Variants in PDE4D observed in about 807,000 individuals in gnomAD.
PDE4D encodes the protein phosphodiesterase 4D, also known as 3',5'-cyclic-AMP phosphodiesterase 4D.
In PDE4D, 24 loss-of-function variants were observed where a neutral mutation model predicts 87.4. The ratio of observed to expected loss-of-function variants is 0.27; its 90% confidence interval spans 0.20 to 0.39. The LOEUF (loss-of-function observed/expected upper bound fraction) is 0.39. PDE4D is among the 10% of genes least tolerant of loss of function. The probability of loss-of-function intolerance (pLI) is 1.00; values close to 1 mark genes in which losing one functional copy is unlikely to be tolerated. For synonymous variants in PDE4D, 384 were observed against 383.2 expected (o/e 1.00, Z -0.02); for missense variants, 714 against 1,041.0 (o/e 0.69, Z 4.32).
chr5:60,097,963 T>C (rs1279864958), intron 2 of PDE4D, among the ~76,000 whole-genome samples: 1 of 151,956 alleles, frequency 6.6e-6, no homozygotes, highest in Non-Finnish European at 1.5e-5. Context: ...GTGAGATTAC[T>C]TAATCTCAAA....
At chr5:59,109,082 C>T (rs1772163305) in intron 5 of PDE4D, among the ~76,000 whole-genome samples, 1 of 150,210 alleles carries the variant, frequency 6.7e-6, no homozygotes, top group African/African-American at 2.4e-5. Flanking sequence ...TCTTTTTCTA[C>T]TCTATTCCAG....
intron 5 of PDE4D, among the ~76,000 whole-genome samples, chr5:59,106,756 A>C (rs2153436257): frequency 6.6e-6 from 1 of 152,336 alleles, no homozygotes; most frequent in Middle Eastern, 3.4e-3. Context: ...ATGAAACTCC[A>C]TCTCAAAAAC....
At chr5:60,472,285 C>T (rs939515590) in intron 1 of PDE4D, among the ~76,000 whole-genome samples, 4 of 152,064 alleles carry the variant, frequency 2.6e-5, no homozygotes, top group Non-Finnish European at 4.4e-5. Context: ...AAAACTGAGG[C>T]ACAGCCAACT....
At chr5:59,625,128 T>C (rs932280503) in intron 1 of PDE4D, among the ~76,000 whole-genome samples, 1 of 152,152 alleles carries the variant, frequency 6.6e-6, no homozygotes, top group East Asian at 1.9e-4. Context: ...TCTAATCACA[T>C]GAGTCCTATA....
At chr5:60,125,346 T>C (rs1458167971) in intron 2 of PDE4D, among the ~76,000 whole-genome samples, 1 of 152,152 alleles carries the variant, frequency 6.6e-6, no homozygotes, top group Non-Finnish European at 1.5e-5. Context: ...ACTTGTGAAA[T>C]CTACCTTAGA....
At position 60,424,234 on chromosome 5, in the gene PDE4D, G is replaced by C. The variant is rs184119885; in HGVS notation, c.-90+63708C>G. ...GCCTGGCAGAGACACAACAAAAAAA[G>C]AGAATTTTAGACCATTATCCCTGAT... is the stretch of plus-strand genomic sequence containing the variant. On this transcript the variant is annotated intron_variant, in intron 1 of 16. Transcript: ENST00000502484. Among the ~76,000 whole-genome samples, 1,291 of 152,218 alleles carry C rather than the reference G, an allele frequency of 8.5e-3. 13 individuals carry two copies. The highest frequency in any genetic ancestry group is 0.029 in the African/African-American group (1,213 of 41,516).
chr5:60,099,627 T>C (rs893443950), intron 2 of PDE4D, among the ~76,000 whole-genome samples: 4 of 151,838 alleles, frequency 2.6e-5, no homozygotes, highest in African/African-American at 9.7e-5. Context: ...CAAATGGTTA[T>C]TAAACTTATG....
intron 1 of PDE4D, among the ~76,000 whole-genome samples, chr5:59,412,081 A>C (rs1482885338): frequency 2.6e-5 from 4 of 152,238 alleles, no homozygotes; most frequent in Non-Finnish European, 5.9e-5. Flanking sequence ...GGATAAGAAC[A>C]GGAGGCTTTT....
chr5:59,799,009 C>T (rs566121465), intron 1 of PDE4D, among the ~76,000 whole-genome samples: 2 of 152,270 alleles, frequency 1.3e-5, no homozygotes, highest in South Asian at 4.2e-4. Flanking sequence ...GGGATTGCAG[C>T]CAATTTTATT....
At chr5:59,827,879 A>T (rs998404310) in intron 1 of PDE4D, among the ~76,000 whole-genome samples, 7 of 152,164 alleles carry the variant, frequency 4.6e-5, no homozygotes, top group Admixed American at 2.0e-4. Flanking sequence ...ACATTAAAAT[A>T]AAAAATTGGC....
chr5:59,256,735 A>G (rs1022086075), intron 1 of PDE4D, among the ~76,000 whole-genome samples: 1 of 151,994 alleles, frequency 6.6e-6, no homozygotes, highest in Non-Finnish European at 1.5e-5. Context: ...ATTTAGCTGC[A>G]TTGGCATCTT....
intron 3 of PDE4D, among the ~76,000 whole-genome samples, chr5:59,919,559 T>C (rs1754442253): frequency 6.6e-6 from 1 of 152,190 alleles, no homozygotes; most frequent in Non-Finnish European, 1.5e-5. Context: ...ATTCACATCC[T>C]CTAAAAGCCA....
intron 1 of PDE4D, among the ~76,000 whole-genome samples, chr5:60,403,277 T>C (rs981689578): frequency 1.3e-5 from 2 of 152,194 alleles, no homozygotes. Flanking sequence ...GAATGAAGAA[T>C]ACTTAAATTT....
chr5:60,393,206 T>G (rs941085643), intron 1 of PDE4D, among the ~76,000 whole-genome samples: 2 of 152,142 alleles, frequency 1.3e-5, no homozygotes, highest in African/African-American at 4.8e-5. Context: ...CACAACCAAC[T>G]TAAACCTCCA....
intron 1 of PDE4D, among the ~76,000 whole-genome samples, chr5:59,843,207 A>G (rs1039957693): frequency 5.3e-5 from 8 of 152,052 alleles, no homozygotes; most frequent in African/African-American, 1.9e-4. Context: ...AGCCCTATCA[A>G]AGGTCAAAAT....
chr5:59,998,575 C>G (rs1370765728), intron 2 of PDE4D, among the ~76,000 whole-genome samples: 1 of 152,042 alleles, frequency 6.6e-6, no homozygotes, highest in Non-Finnish European at 1.5e-5. Flanking sequence ...CTTATATAAT[C>G]AAGACTGATG....
chr5:60,088,957 A>C (rs1207642854), intron 2 of PDE4D, among the ~76,000 whole-genome samples: 1 of 152,074 alleles, frequency 6.6e-6, no homozygotes, highest in African/African-American at 2.4e-5. Flanking sequence ...CACAAACTGA[A>C]TGTGAAGATA....
At chr5:60,448,131 T>C (rs1189684093) in intron 1 of PDE4D, among the ~76,000 whole-genome samples, 2 of 152,104 alleles carry the variant, frequency 1.3e-5, no homozygotes, top group African/African-American at 2.4e-5. Context: ...TTTACATCTG[T>C]TCCAAATAGA....
rs546757958 is a variant in PDE4D at position 59,235,653 on chromosome 5, G to A, written c.456-19685C>T. 2.0e-5 allele frequency among the ~76,000 whole-genome samples: 3 copies of A among 152,256 alleles called. No individual in the cohort carries two copies. The South Asian group carries it at 6.2e-4, about 32-fold the overall frequency. On this transcript the variant is annotated intron_variant, in intron 1 of 14. Coordinates refer to ENST00000340635, the MANE Select transcript of PDE4D (RefSeq NM_001104631.2). Reference sequence around the variant, plus strand: ...ATGCTTATTTTAATGTCTCTTATGAGCACTCACTAGAAATATTCTCTAGCC... The same window carrying A: ...ATGCTTATTTTAATGTCTCTTATGAACACTCACTAGAAATATTCTCTAGCC...
Sources: gnomAD v4.1 joint callset for allele counts (sites outside exome capture counted in the v4.1 genomes callset) on GRCh38, gnomAD v4.1.1 for gene constraint, MANE v1.5 for transcripts, NCBI Gene and HGNC (gene_info 2026-07-23, HGNC 2026-07-21) for gene names.